The following NEDD4 variants were observed in gnomAD, a reference collection of about 807,000 sequenced individuals.
NEDD4 encodes NEDD4 E3 ubiquitin protein ligase, also known as E3 ubiquitin-protein ligase NEDD4.
Under a neutral mutation model 144.9 loss-of-function variants are expected in NEDD4, and 99 were observed. That is an observed-to-expected ratio of 0.68 (90% CI 0.58 to 0.81). NEDD4 has a LOEUF of 0.81. Ranked by LOEUF, NEDD4 falls within the 30% of genes least tolerant of loss-of-function variation. NEDD4 has a pLI of 0.00. For synonymous variants in NEDD4, 318 were observed against 350.6 expected, an observed-to-expected ratio of 0.91 and a Z score of 1.04; for missense variants, 985 against 1,065.9, an observed-to-expected ratio of 0.92 and a Z score of 1.06.
intron 4 of NEDD4, 100 bp from the exon 5 acceptor site, chr15:55,924,799 G>A (rs2036632635): frequency 1.7e-6 from 2 of 1,164,146 alleles, no homozygotes; most frequent in Admixed American, 4.1e-5. Context: ...CGGGCATGGT[G>A]GCTCATGCCT....
At chr15:55,945,897 AT>A (rs1414505003) in intron 4 of NEDD4, among the ~76,000 whole-genome samples, 1 of 152,226 alleles carries the variant, frequency 6.6e-6, no homozygotes, top group Non-Finnish European at 1.5e-5. Context: ...AGAATTTCAT[AT>A]CCAGCCAAAC....
At chr15:55,915,311 G>A in intron 5 of NEDD4, 1 of 1,600,688 alleles carries the variant, frequency 6.2e-7, no homozygotes, top group East Asian at 2.2e-5. Context: ...GTTCATTTGT[G>A]CAATCTCTGT....
rs139269466 is a variant in NEDD4 at position 55,952,225 on chromosome 15, T to G, written c.120-636A>C. ...GGCAGGCACTTTTAGTCACAACTAC[T>G]CGGGAGGCTGAGGCAGGAGAATGGC... On this transcript the variant is annotated intron_variant, in intron 2 of 28. Transcript: ENST00000435532. Among the ~76,000 whole-genome samples the G allele has an allele frequency of 1.6e-3, 236 of 151,004 alleles. 9 individuals carry two copies. The East Asian group carries it at 0.037, about 24-fold the overall frequency.
At chr15:55,988,120 T>C (rs2037924355) in intron 1 of NEDD4, 1 of 144,622 alleles carries the variant, frequency 6.9e-6, no homozygotes, top group South Asian at 2.3e-4. Context: ...GTGGCACATA[T>C]ACACCATGGA....
intron 28 of NEDD4, among the ~76,000 whole-genome samples, 189 bp downstream of exon 28, chr15:55,830,325 C>G (rs1166293804): frequency 6.6e-6 from 1 of 152,222 alleles, no homozygotes; most frequent in Non-Finnish European, 1.5e-5. Context: ...CTTCAGCTAC[C>G]TGGACTTCAA....
chr15:55,833,240 T>G (rs1269253533), intron 26 of NEDD4, 136 bp from the exon 27 acceptor site: 17 of 605,156 alleles, frequency 2.8e-5, no homozygotes, highest in Non-Finnish European at 4.8e-5. Flanking sequence ...AGTTAAATTT[T>G]TGTTTATAGA....
At chr15:55,895,790 A>G (rs2035720811) in intron 5 of NEDD4, among the ~76,000 whole-genome samples, 1 of 152,220 alleles carries the variant, frequency 6.6e-6, no homozygotes, top group East Asian at 1.9e-4. Flanking sequence ...TTAATAGCTG[A>G]AGATAAATGA....
intron 5 of NEDD4, among the ~76,000 whole-genome samples, chr15:55,900,987 A>G (rs1162063340): frequency 6.6e-6 from 1 of 152,188 alleles, no homozygotes; most frequent in Middle Eastern, 3.2e-3. Context: ...GTTTATTTTA[A>G]TGTTTTCACA....
At position 55,829,225 on chromosome 15, in the gene NEDD4, G is replaced by C. The variant is rs2032827929; in HGVS notation, c.*672C>G. 6.6e-6 allele frequency: 1 copy of C among 152,172 alleles called. No homozygotes were observed. The highest frequency in any genetic ancestry group is 2.1e-4 in the South Asian group (1 of 4,828). The allele number at this position is 152,172 out of a possible 1,614,324, so 9.4% of individuals were successfully genotyped here. A position where few individuals can be genotyped will look rare whatever the true frequency, so the allele number is the denominator to read the frequency against. The stretch of plus-strand genomic sequence containing the variant: ...ACATGTCTTATGAACCATCTGTTTA[G>C]TAAAACTGCATATTAACAAAAGCCA... On this transcript the variant is annotated 3_prime_UTR_variant, in exon 29 of 29. Transcript: ENST00000435532.
rs1198452509 is a variant in NEDD4, at chr15:55,828,144, G to A, written c.*1753C>T. ...TGAATTGCTTCCCCTAAACCATGCTGATGCTGTGGTGTTTGGAAAGTAGAA... is the reference window on the plus strand; with the variant it reads ...TGAATTGCTTCCCCTAAACCATGCTAATGCTGTGGTGTTTGGAAAGTAGAA... On this transcript the variant is annotated 3_prime_UTR_variant, in exon 29 of 29. Coordinates refer to ENST00000435532, the MANE Select transcript of NEDD4 (RefSeq NM_006154.4). 6.6e-6 allele frequency: 1 copy of A among 152,174 alleles called. No homozygotes were observed. Among genetic ancestry groups the A allele is most frequent in the African/African-American group, 2.4e-5 (1 of 41,442 alleles). The allele number at this position is 152,174 out of a possible 1,614,324, so 9.4% of individuals were successfully genotyped here.
chr15:55,841,964 G>A lies in NEDD4; in HGVS notation c.1808C>T (p.Pro603Leu). The A allele has an allele frequency of 6.2e-7, 1 of 1,613,852 alleles. No individual in the cohort carries two copies. ...FFLISKEMFN[P>L]YYGLFEYSAT... ...AGAATATTCAAACAACCCATAATAA[G>A]GGTTAAACATTTCCTTTGAGATCAG... is the stretch of plus-strand genomic sequence containing the variant. The change falls in exon 19 of 29, where the codon CCT becomes CTT. Residue 603 changes from proline to leucine, a missense_variant. Pro to Leu is a moderately conservative substitution (Grantham distance 98). Transcript: ENST00000435532.
At chr15:55,839,173 C>T (rs779264609) in intron 21 of NEDD4, among the ~76,000 whole-genome samples, 7 of 151,666 alleles carry the variant, frequency 4.6e-5, no homozygotes, top group Admixed American at 2.0e-4. Context: ...GGACTACAGG[C>T]GCGCACCACC....
chr15:55,909,751 G>T (rs1241415567), intron 5 of NEDD4, among the ~76,000 whole-genome samples: 2 of 152,126 alleles, frequency 1.3e-5, no homozygotes, highest in Admixed American at 6.5e-5. Flanking sequence ...GCTAGCACAT[G>T]GTAGGCTCCA....
At chr15:55,890,305 C>T (rs569619167) in intron 5 of NEDD4, among the ~76,000 whole-genome samples, 1 of 152,236 alleles carries the variant, frequency 6.6e-6, no homozygotes, top group South Asian at 2.1e-4. Flanking sequence ...AATTTTAGAA[C>T]ATTTTCATCA....
chr15:55,877,695 C>T (rs1428704840), intron 5 of NEDD4, among the ~76,000 whole-genome samples: 2 of 152,050 alleles, frequency 1.3e-5, no homozygotes, highest in African/African-American at 4.8e-5. Flanking sequence ...TCTACCATTT[C>T]CATTATTCTT....
intron 6 of NEDD4, 27 bp from the exon 7 acceptor site, chr15:55,872,503 A>G: frequency 9.4e-7 from 1 of 1,062,906 alleles, no homozygotes; most frequent in Non-Finnish European, 1.3e-6. Flanking sequence ...GGTTTTCAAA[A>G]TATATCTATA....
chr15:55,954,582 T>C (rs1349397526), intron 2 of NEDD4, among the ~76,000 whole-genome samples: 3 of 152,098 alleles, frequency 2.0e-5, no homozygotes, highest in Admixed American at 1.3e-4. Context: ...TGGAATGCAA[T>C]GGCGCGATCT....
intron 18 of NEDD4, among the ~76,000 whole-genome samples, chr15:55,842,485 C>T (rs2033560224): frequency 6.6e-6 from 1 of 152,142 alleles, no homozygotes; most frequent in South Asian, 2.1e-4. Context: ...CTCATGGGCT[C>T]AAGTGATCCT....
At chr15:55,969,681 GA>G (rs1259349365) in intron 1 of NEDD4, among the ~76,000 whole-genome samples, 1 of 152,030 alleles carries the variant, frequency 6.6e-6, no homozygotes, top group Non-Finnish European at 1.5e-5. Flanking sequence ...CTGCCACCCT[GA>G]AGGAAAGGAC....
Sources: allele counts gnomAD v4.1 joint callset (sites outside exome capture counted in the v4.1 genomes callset), GRCh38; gene constraint gnomAD v4.1.1; transcripts MANE v1.5; gene names NCBI Gene and HGNC (gene_info 2026-07-23, HGNC 2026-07-21).